Variants in NLGN1 observed in about 807,000 individuals in gnomAD.
The protein encoded by NLGN1 is neuroligin 1.
A neutral mutation model predicts 65.5 loss-of-function variants in NLGN1; 12 were observed. The observed-to-expected ratio is 0.18, with a 90% CI of 0.12 to 0.30. The LOEUF is 0.30. NLGN1 is among the 10% of genes least tolerant of loss of function. The pLI is 1.00. For missense variants in NLGN1, 750 were observed against 1,007.1 expected, an observed-to-expected ratio of 0.74 and a Z score of 3.46; for synonymous variants, 350 against 359.5, an observed-to-expected ratio of 0.97 and a Z score of 0.30.
intron 4 of NLGN1, among the ~76,000 whole-genome samples, chr3:174,257,729 A>G (rs1746059791): frequency 6.6e-6 from 1 of 151,442 alleles, no homozygotes; most frequent in African/African-American, 2.4e-5. Context: ...GAATATATAT[A>G]TATATATATT....
chr3:173,600,226 CGT>C (rs1750246140), intron 2 of NLGN1, among the ~76,000 whole-genome samples: 1 of 151,556 alleles, frequency 6.6e-6, no homozygotes, highest in South Asian at 2.1e-4. Flanking sequence ...CACACACACA[CGT>C]GTATGTCTTT....
At chr3:174,004,092 T>C (rs568357021) in intron 4 of NLGN1, among the ~76,000 whole-genome samples, 7 of 152,290 alleles carry the variant, frequency 4.6e-5, no homozygotes, top group Admixed American at 1.3e-4. Flanking sequence ...TATGGTTCTC[T>C]GAATTGAATC....
Position 174,179,876 on chromosome 3 carries a change from G to C in NLGN1, c.647-95439G>C, listed in dbSNP as rs79572350. 4.7e-3 allele frequency among the ~76,000 whole-genome samples: 719 copies of C among 152,136 alleles called. 5 individuals carry two copies. The highest frequency in any genetic ancestry group is 0.016 in the African/African-American group (678 of 41,506). On this transcript the variant is annotated intron_variant, in intron 4 of 6. Transcript: ENST00000457714. Reference sequence around the variant, plus strand: ...TACCCTCTGATAAACTTTTTAACCTGTGACCTGTTCCTATAGATCTCATAT... The same window carrying C: ...TACCCTCTGATAAACTTTTTAACCTCTGACCTGTTCCTATAGATCTCATAT...
intron 3 of NLGN1, among the ~76,000 whole-genome samples, chr3:173,767,175 G>C (rs1016600987): frequency 3.0e-4 from 45 of 152,088 alleles, no homozygotes; most frequent in Admixed American, 2.2e-3. Context: ...CTTCAATAAT[G>C]AGTATTTTCT....
At chr3:174,041,243 A>G (rs963185206) in intron 4 of NLGN1, among the ~76,000 whole-genome samples, 3 of 152,036 alleles carry the variant, frequency 2.0e-5, no homozygotes, top group African/African-American at 7.2e-5. Context: ...AATAGTGTGC[A>G]CTTCTTCCTG....
intron 3 of NLGN1, among the ~76,000 whole-genome samples, chr3:173,651,326 G>A (rs1233451239): frequency 6.6e-6 from 1 of 150,876 alleles, no homozygotes; most frequent in Admixed American, 6.6e-5. Context: ...TATATAATAA[G>A]TTGTTATATA....
At chr3:173,647,185 T>C (rs1345074032) in intron 3 of NLGN1, among the ~76,000 whole-genome samples, 3 of 152,074 alleles carry the variant, frequency 2.0e-5, no homozygotes, top group African/African-American at 7.2e-5. Flanking sequence ...AGCTTCAAAA[T>C]ACATAAATCA....
intron 3 of NLGN1, among the ~76,000 whole-genome samples, chr3:173,790,625 A>C (rs1018453068): frequency 5.3e-5 from 8 of 152,000 alleles, no homozygotes; most frequent in African/African-American, 1.4e-4. Flanking sequence ...GGACAACCTA[A>C]TTCTAAAATT....
Position 173,424,856 on chromosome 3 carries a change from C to A in NLGN1, c.-389-10154C>A, listed in dbSNP as rs368174183. Among the ~76,000 whole-genome samples the A allele has an allele frequency of 5.3e-5, 8 of 152,318 alleles. 1 individual carries two copies. The highest frequency in any genetic ancestry group is 9.6e-5 in the African/African-American group (4 of 41,572). On this transcript the variant is annotated intron_variant, in intron 1 of 6. Coordinates refer to ENST00000457714, the Ensembl canonical transcript of NLGN1. Reference sequence around the variant, plus strand: ...ACGGTTCCAACCTCTGCCTGTTACCCAGTTCCAAAATCACTTCCACATTTC... The same window carrying A: ...ACGGTTCCAACCTCTGCCTGTTACCAAGTTCCAAAATCACTTCCACATTTC...
chr3:173,990,280 A>G (rs1209437263), intron 4 of NLGN1, among the ~76,000 whole-genome samples: 1 of 152,122 alleles, frequency 6.6e-6, no homozygotes, highest in Non-Finnish European at 1.5e-5. Context: ...TTCCCCATGT[A>G]CTGCTTACAG....
intron 2 of NLGN1, among the ~76,000 whole-genome samples, chr3:173,517,470 C>A (rs1407125919): frequency 6.6e-6 from 1 of 152,032 alleles, no homozygotes; most frequent in Non-Finnish European, 1.5e-5. Context: ...TCTGTACCCA[C>A]TACTCATTGA....
intron 3 of NLGN1, among the ~76,000 whole-genome samples, chr3:173,662,552 C>T (rs1049390753): frequency 1.3e-5 from 2 of 151,866 alleles, no homozygotes; most frequent in Non-Finnish European, 2.9e-5. Flanking sequence ...TTCAAGATGG[C>T]TCTGTTGTTT....
At chr3:173,457,145 A>T (rs1258088046) in intron 2 of NLGN1, among the ~76,000 whole-genome samples, 1 of 152,080 alleles carries the variant, frequency 6.6e-6, no homozygotes, top group Non-Finnish European at 1.5e-5. Flanking sequence ...GTGGTGAATG[A>T]GTTGAGGAGG....
chr3:174,015,794 T>A (rs2152450011), intron 4 of NLGN1, among the ~76,000 whole-genome samples: 1 of 152,262 alleles, frequency 6.6e-6, no homozygotes, highest in Middle Eastern at 3.4e-3. Flanking sequence ...TCTGATTTTT[T>A]AACTAGTATT....
chr3:174,278,779 C>A, intron 5 of NLGN1, 82 bp from the exon 6 acceptor site: 2 of 1,125,080 alleles, frequency 1.8e-6, no homozygotes, highest in Non-Finnish European at 2.4e-6. Context: ...TTTTTATATA[C>A]ATGTCTAAAA....
intron 3 of NLGN1, among the ~76,000 whole-genome samples, chr3:173,769,311 C>T (rs968501376): frequency 5.3e-5 from 8 of 152,148 alleles, no homozygotes; most frequent in Admixed American, 1.3e-4. Flanking sequence ...TTTACAAGGA[C>T]AGTCCATCCC....
At chr3:173,638,259 G>A (rs1206759126) in intron 3 of NLGN1, among the ~76,000 whole-genome samples, 2 of 151,330 alleles carry the variant, frequency 1.3e-5, no homozygotes, top group African/African-American at 4.9e-5. Flanking sequence ...GTTCCAGGCT[G>A]AGGAAGTGTA....
chr3:173,678,285 C>T (rs1015361220), intron 3 of NLGN1, among the ~76,000 whole-genome samples: 1 of 152,042 alleles, frequency 6.6e-6, no homozygotes, highest in African/African-American at 2.4e-5. Flanking sequence ...GGCATGGTTC[C>T]TGCTTTTAAG....
intron 2 of NLGN1, among the ~76,000 whole-genome samples, chr3:173,574,042 A>C (rs1745090030): frequency 1.4e-5 from 2 of 147,424 alleles, no homozygotes; most frequent in South Asian, 4.4e-4. Flanking sequence ...CAGCCTGAGC[A>C]ATAGAGCGAG....
Sources: allele counts gnomAD v4.1 joint callset (sites outside exome capture counted in the v4.1 genomes callset), GRCh38; gene constraint gnomAD v4.1.1; transcripts MANE v1.5; gene names NCBI Gene and HGNC (gene_info 2026-07-23, HGNC 2026-07-21).